SPOCK3: variants seen among roughly 807,000 people sequenced by gnomAD.
SPOCK3 encodes testican-3.
Under a neutral mutation model 56.6 loss-of-function variants are expected in SPOCK3, and 30 were observed. That is an observed-to-expected ratio of 0.53 (90% CI 0.40 to 0.72). SPOCK3 has a LOEUF of 0.72. Ranked by LOEUF, SPOCK3 falls within the 30% of genes least tolerant of loss-of-function variation. The probability of loss-of-function intolerance (pLI) is 0.00; values close to 1 mark genes in which losing one functional copy is unlikely to be tolerated. For synonymous variants in SPOCK3, 196 were observed against 183.3 expected (o/e 1.07, Z -0.56); for missense variants, 527 against 530.0 (o/e 0.99, Z 0.06).
At chr4:167,118,141 T>C (rs71620414) in intron 2 of SPOCK3, among the ~76,000 whole-genome samples, 6,106 of 152,240 alleles carry the variant, frequency 0.04, 165 homozygotes, top group Middle Eastern at 0.082. Flanking sequence ...CTTGCCAGAC[T>C]GTTTGAATTT....
intron 2 of SPOCK3, among the ~76,000 whole-genome samples, chr4:167,199,449 G>A (rs1561314659): frequency 1.3e-5 from 2 of 151,952 alleles, no homozygotes; most frequent in Non-Finnish European, 2.9e-5. Context: ...TAGTCAATGT[G>A]CAAGAACAAA....
At chr4:167,004,078 A>G (rs768740300) in intron 3 of SPOCK3, among the ~76,000 whole-genome samples, 29 of 152,204 alleles carry the variant, frequency 1.9e-4, no homozygotes, top group Non-Finnish European at 3.4e-4. Flanking sequence ...GATATCGTAC[A>G]AGAATTGTAT....
Position 166,829,094 on chromosome 4 carries a change from C to A in SPOCK3, c.590-36805G>T, listed in dbSNP as rs181466336. The stretch of plus-strand genomic sequence containing the variant: ...GTTTTTGCAAGTGGTTTCCACAAAT[C>A]TTTACAGAAATGATGTAACCTCACC... On this transcript the variant is annotated intron_variant, in intron 6 of 10. Transcript: ENST00000357545. 3.8e-3 allele frequency among the ~76,000 whole-genome samples: 583 copies of A among 152,068 alleles called. 4 individuals carry two copies. Among genetic ancestry groups the A allele is most frequent in the Non-Finnish European group, 5.6e-3 (377 of 67,906 alleles).
chr4:166,999,668 T>A (rs556404170), intron 4 of SPOCK3, among the ~76,000 whole-genome samples: 1 of 152,300 alleles, frequency 6.6e-6, no homozygotes, highest in African/African-American at 2.4e-5. Context: ...GGTTAAACAA[T>A]GAATTCATGT....
At chr4:167,003,169 A>T (rs1343688280) in intron 3 of SPOCK3, among the ~76,000 whole-genome samples, 1 of 152,134 alleles carries the variant, frequency 6.6e-6, no homozygotes, top group Non-Finnish European at 1.5e-5. Flanking sequence ...AGAAAATGGA[A>T]CTCAAAAATT....
intron 3 of SPOCK3, among the ~76,000 whole-genome samples, chr4:167,019,180 C>G (rs1212095799): frequency 6.6e-6 from 1 of 152,068 alleles, no homozygotes; most frequent in African/African-American, 2.4e-5. Context: ...AATCTCTTTG[C>G]ACTATCCAAC....
intron 2 of SPOCK3, among the ~76,000 whole-genome samples, chr4:167,137,282 A>G (rs1763202666): frequency 6.6e-6 from 1 of 150,926 alleles, no homozygotes; most frequent in African/African-American, 2.5e-5. Context: ...AATCATAAAT[A>G]CAGTCATTTT....
At chr4:166,932,083 A>T (rs1739853103) in intron 4 of SPOCK3, among the ~76,000 whole-genome samples, 1 of 152,338 alleles carries the variant, frequency 6.6e-6, no homozygotes, top group African/African-American at 2.4e-5. Flanking sequence ...TTTCAGAATA[A>T]TGCATTTGAC....
chr4:167,055,390 T>C (rs949298636), intron 3 of SPOCK3, among the ~76,000 whole-genome samples: 1 of 152,124 alleles, frequency 6.6e-6, no homozygotes, highest in Non-Finnish European at 1.5e-5. Context: ...AGATGGGTGA[T>C]TTCTGCATTT....
chr4:166,960,929 A>G (rs1424931405), intron 4 of SPOCK3, among the ~76,000 whole-genome samples: 2 of 152,206 alleles, frequency 1.3e-5, no homozygotes, highest in African/African-American at 4.8e-5. Context: ...ATCACATATT[A>G]GATAATTAGA....
intron 3 of SPOCK3, among the ~76,000 whole-genome samples, chr4:167,014,470 A>C (rs989280813): frequency 8.6e-5 from 13 of 151,698 alleles, no homozygotes; most frequent in Admixed American, 3.3e-4. Flanking sequence ...ACAAGGTGAG[A>C]CTCCGTGACA....
intron 2 of SPOCK3, among the ~76,000 whole-genome samples, chr4:167,098,568 C>A (rs1759362821): frequency 6.6e-6 from 1 of 151,990 alleles, no homozygotes; most frequent in Non-Finnish European, 1.5e-5. Flanking sequence ...CAGAACTAAT[C>A]TTGATGTACA....
chr4:167,159,583 AC>A (rs1375458774), intron 2 of SPOCK3, among the ~76,000 whole-genome samples: 1 of 152,094 alleles, frequency 6.6e-6, no homozygotes, highest in Admixed American at 6.6e-5. Context: ...CAGAGACACA[AC>A]CAAAAAAGAG....
Position 166,915,753 on chromosome 4 carries a change from GGAGAGC to G in SPOCK3, c.351-3016_351-3011del, listed in dbSNP as rs201706662. On this transcript the variant is annotated intron_variant, in intron 4 of 10. Coordinates refer to ENST00000357545, the MANE Select transcript of SPOCK3 (RefSeq NM_001040159.2). ...GCCCCAGGTAAGAAACTAGATCTGG[GGAGAGC>G]ACAACTAGGCACATTATTCTGAATA... Among the ~76,000 whole-genome samples the G allele has an allele frequency of 1.7e-3, 264 of 152,186 alleles. 3 individuals carry two copies. The East Asian group carries it at 0.045, about 26-fold the overall frequency.
rs186093446 is a variant in SPOCK3, at chr4:166,749,649, A to T, written c.931+4859T>A. 1.6e-3 allele frequency among the ~76,000 whole-genome samples: 238 copies of T among 152,106 alleles called. 1 individual carries two copies. The highest frequency in any genetic ancestry group is 5.3e-3 in the African/African-American group (222 of 41,520). On this transcript the variant is annotated intron_variant, in intron 8 of 10. Coordinates refer to ENST00000357545, the MANE Select transcript of SPOCK3 (RefSeq NM_001040159.2). ...CTTAAAGTATGATAAAAAATAAAAA[A>T]AAATAAAAATAAAATAATAAAATGT...
chr4:166,884,429 T>C (rs1018951322), intron 6 of SPOCK3, among the ~76,000 whole-genome samples: 4 of 151,722 alleles, frequency 2.6e-5, no homozygotes, highest in Admixed American at 6.6e-5. Context: ...TACTGATGAG[T>C]TGTTTCAAGC....
intron 3 of SPOCK3, among the ~76,000 whole-genome samples, chr4:167,057,142 A>G (rs1754984127): frequency 6.6e-6 from 1 of 152,212 alleles, no homozygotes; most frequent in Non-Finnish European, 1.5e-5. Flanking sequence ...CAACATTCTT[A>G]AAGAAAAGAA....
chr4:166,898,030 A>T (rs1489606326), intron 5 of SPOCK3, among the ~76,000 whole-genome samples: 1 of 149,864 alleles, frequency 6.7e-6, no homozygotes, highest in Non-Finnish European at 1.5e-5. Context: ...ATCTCTACAC[A>T]AAAATAAAAA....
chr4:166,828,209 T>G (rs1424722008), intron 6 of SPOCK3, among the ~76,000 whole-genome samples: 1 of 152,014 alleles, frequency 6.6e-6, no homozygotes, highest in Non-Finnish European at 1.5e-5. Context: ...AGACTGAATA[T>G]TAATTCCTTA....
Sources: gnomAD v4.1 joint callset for allele counts (sites outside exome capture counted in the v4.1 genomes callset) on GRCh38, gnomAD v4.1.1 for gene constraint, MANE v1.5 for transcripts, NCBI Gene and HGNC (gene_info 2026-07-23, HGNC 2026-07-21) for gene names.